BRCC3: variants seen among roughly 807,000 people sequenced by gnomAD.
BRCC3 encodes lys-63-specific deubiquitinase BRCC36.
BRCC3 carries 15 observed loss-of-function variants against 28.0 expected under a neutral mutation model. The observed-to-expected ratio is 0.54, with a 90% CI of 0.36 to 0.82. BRCC3 has a LOEUF of 0.82. Ranked by LOEUF, BRCC3 falls within the 40% of genes least tolerant of loss-of-function variation. BRCC3 has a pLI of 0.01. For missense variants in BRCC3, 109 were observed against 225.9 expected, an observed-to-expected ratio of 0.48 and a Z score of 3.32; for synonymous variants, 66 against 80.3, an observed-to-expected ratio of 0.82 and a Z score of 0.95.
chrX:155,121,020 A>G (rs1557299354), intron 10 of BRCC3, among the ~76,000 whole-genome samples: 1 of 111,236 alleles, frequency 9.0e-6, no homozygotes, highest in Non-Finnish European at 1.9e-5. Context: ...TCTCCCTCTC[A>G]TTTTTCACAT....
intron 7 of BRCC3, among the ~76,000 whole-genome samples, chrX:155,104,033 T>C (rs1475165869): frequency 9.0e-6 from 1 of 111,465 alleles, no homozygotes. Context: ...AAAGTCTCAT[T>C]TGGATCTTTT....
intron 3 of BRCC3, among the ~76,000 whole-genome samples, chrX:155,074,374 C>A (rs1557293073): frequency 8.9e-6 from 1 of 112,148 alleles, no homozygotes; most frequent in African/African-American, 3.2e-5. Flanking sequence ...CAGTCAAACC[C>A]ACTGAGGTCT....
chrX:155,103,589 A>C (rs1156523336), intron 7 of BRCC3, among the ~76,000 whole-genome samples: 2 of 111,734 alleles, frequency 1.8e-5, no homozygotes, highest in Non-Finnish European at 3.8e-5. Flanking sequence ...TGTTTTTATC[A>C]CTGGCTTTAA....
At chrX:155,096,686 T>G (rs1275270866) in intron 7 of BRCC3, among the ~76,000 whole-genome samples, 3 of 112,267 alleles carry the variant, frequency 2.7e-5, no homozygotes, top group Non-Finnish European at 5.6e-5. Context: ...ACTACAAAAG[T>G]TCCTGAATAG....
rs782186382 is a variant in BRCC3 at position 155,114,012 on chromosome X, A to G, written c.549-2045A>G. Among the ~76,000 whole-genome samples, 29 of 111,637 alleles carry G rather than the reference A, an allele frequency of 2.6e-4. No homozygotes were observed. The East Asian group carries it at 7.6e-3, about 29-fold the overall frequency. ...TATGGAGGAGTTGGAGCCCTTGTAC[A>G]TTATTGTTGAGATTGTAGAGTGGTG... On this transcript the variant is annotated intron_variant, in intron 7 of 10. Transcript: ENST00000330045.
chrX:155,086,045 C>T lies in BRCC3; in HGVS notation c.404-3218C>T, dbSNP rs1015692732. 8.1e-5 allele frequency among the ~76,000 whole-genome samples: 9 copies of T among 111,496 alleles called. No individual in the cohort carries two copies. In the East Asian group the frequency reaches 8.5e-4, roughly 11 times the overall value. The stretch of plus-strand genomic sequence containing the variant: ...TGGGTCTGGGAGCAGAGTGATAGGA[C>T]GTACCCTGCCTGGTCATGCCCAAGG... On this transcript the variant is annotated intron_variant, in intron 5 of 10. Transcript: ENST00000330045.
chrX:155,108,705 A>G, intron 7 of BRCC3, among the ~76,000 whole-genome samples: 1 of 111,741 alleles, frequency 8.9e-6, no homozygotes. Context: ...TGTATAAGTC[A>G]TATTCATTTT....
At chrX:155,092,057 C>T (rs1267932843) in intron 7 of BRCC3, among the ~76,000 whole-genome samples, 1 of 111,924 alleles carries the variant, frequency 8.9e-6, no homozygotes, top group African/African-American at 3.2e-5. Context: ...CTTCTTTCTC[C>T]TTATTTTCCT....
intron 3 of BRCC3, among the ~76,000 whole-genome samples, chrX:155,075,259 T>C (rs1557293328): frequency 2.7e-5 from 3 of 110,217 alleles, no homozygotes; most frequent in Admixed American, 9.4e-5. Context: ...CCCTTGTCCC[T>C]TCAACATCTG....
intron 3 of BRCC3, among the ~76,000 whole-genome samples, chrX:155,076,883 C>T (rs1256379310): frequency 8.9e-6 from 1 of 111,941 alleles, no homozygotes; most frequent in Non-Finnish European, 1.9e-5. Context: ...TTGTGCAATA[C>T]AGTGTTTTGT....
chrX:155,120,589 A>G (rs1247576505), intron 10 of BRCC3, among the ~76,000 whole-genome samples: 1 of 111,343 alleles, frequency 9.0e-6, no homozygotes, highest in Non-Finnish European at 1.9e-5. Flanking sequence ...ATCTAGTGTG[A>G]GTGGAAGGAA....
intron 7 of BRCC3, among the ~76,000 whole-genome samples, chrX:155,104,819 T>C (rs1250929154): frequency 8.9e-6 from 1 of 112,863 alleles, no homozygotes; most frequent in Non-Finnish European, 1.9e-5. Flanking sequence ...TTCTTTTTAT[T>C]AAGCTTTATT....
At chrX:155,074,323 C>T (rs1557293063) in intron 3 of BRCC3, among the ~76,000 whole-genome samples, 2 of 112,295 alleles carry the variant, frequency 1.8e-5, no homozygotes, top group African/African-American at 6.5e-5. Context: ...AGCCAGACTT[C>T]TTAAAAGAAT....
chrX:155,074,315 C>A (rs368873857), intron 3 of BRCC3, among the ~76,000 whole-genome samples: 6 of 112,216 alleles, frequency 5.3e-5, no homozygotes, highest in African/African-American at 1.9e-4. Context: ...CCTTTAATAG[C>A]CAGACTTCTT....
In BRCC3 at chrX:155,079,155, G is replaced by T. The variant is rs782149294; in HGVS notation, c.403+452G>T. ...AGAATCATGGTGGGTTTTTTTGTCCGTATCTGCGTCTCCAGAAAGAAGGAG... is the reference window on the plus strand; with the variant it reads ...AGAATCATGGTGGGTTTTTTTGTCCTTATCTGCGTCTCCAGAAAGAAGGAG... On this transcript the variant is annotated intron_variant, in intron 5 of 10. Coordinates refer to ENST00000330045, the MANE Select transcript of BRCC3 (RefSeq NM_001018055.3). Among the ~76,000 whole-genome samples, 14 of 111,304 alleles carry T rather than the reference G, an allele frequency of 1.3e-4. No individual in the cohort carries two copies. The East Asian group carries it at 3.7e-3, about 29-fold the overall frequency.
At chrX:155,114,222 G>C (rs1489480502) in intron 7 of BRCC3, among the ~76,000 whole-genome samples, 3 of 111,191 alleles carry the variant, frequency 2.7e-5, no homozygotes, top group Non-Finnish European at 1.9e-5. Context: ...TCCATTGATG[G>C]ATAAATGGAC....
chrX:155,072,932 G>A (rs2073999501), intron 2 of BRCC3, among the ~76,000 whole-genome samples: 1 of 111,599 alleles, frequency 9.0e-6, no homozygotes, highest in African/African-American at 3.3e-5. Context: ...GTGACAGAGA[G>A]CATATACGTT....
chrX:155,100,897 AT>A lies in BRCC3; in HGVS notation c.548+10072del, dbSNP rs1163033196. On this transcript the variant is annotated intron_variant, in intron 7 of 10. Coordinates refer to ENST00000330045, the MANE Select transcript of BRCC3 (RefSeq NM_001018055.3). ...ATTCCTTACACAATACAGTATAATAATTTTTTTTTTTTTTGAGACAGGGTCT... is the reference window on the plus strand; with the variant it reads ...ATTCCTTACACAATACAGTATAATAATTTTTTTTTTTTTGAGACAGGGTCT... Among the ~76,000 whole-genome samples, 906 of 103,319 alleles carry A rather than the reference AT, an allele frequency of 8.8e-3. 7 individuals carry two copies. Among genetic ancestry groups the A allele is most frequent in the African/African-American group, 0.025 (706 of 28,615 alleles). The allele number at this position is 103,319 out of a possible 115,157, so 89.7% of individuals were successfully genotyped here.
chrX:155,119,292 T>G (rs2074375750), intron 9 of BRCC3, among the ~76,000 whole-genome samples: 1 of 111,976 alleles, frequency 8.9e-6, no homozygotes, highest in Non-Finnish European at 1.9e-5. Flanking sequence ...AGTTTTAAAG[T>G]GTACATGTAC....
Sources: allele counts gnomAD v4.1 joint callset (sites outside exome capture counted in the v4.1 genomes callset), GRCh38; gene constraint gnomAD v4.1.1; transcripts MANE v1.5; gene names NCBI Gene and HGNC (gene_info 2026-07-23, HGNC 2026-07-21).